The following DIS3L2 variants were observed in gnomAD, a reference collection of about 807,000 sequenced individuals.
The protein encoded by DIS3L2 is DIS3-like exonuclease 2.
DIS3L2 carries 34 observed loss-of-function variants against 97.5 expected under a neutral mutation model. That is an observed-to-expected ratio of 0.35 (90% CI 0.27 to 0.46). The LOEUF (loss-of-function observed/expected upper bound fraction) is 0.46, where lower values mean the gene tolerates loss of function less well. DIS3L2 is among the 20% of genes least tolerant of loss of function. DIS3L2 has a pLI of 1.00. For synonymous variants in DIS3L2, 435 were observed against 445.2 expected, an observed-to-expected ratio of 0.98 and a Z score of 0.29; for missense variants, 1,038 against 1,146.0, an observed-to-expected ratio of 0.91 and a Z score of 1.36.
intron 9 of DIS3L2, among the ~76,000 whole-genome samples, chr2:232,166,511 A>C (rs936960923): frequency 1.3e-5 from 2 of 152,126 alleles, no homozygotes; most frequent in African/African-American, 2.4e-5. Flanking sequence ...AGATCATGAG[A>C]TCGAGACCAT....
At chr2:232,222,633 G>C (rs914789994) in intron 10 of DIS3L2, among the ~76,000 whole-genome samples, 1 of 152,052 alleles carries the variant, frequency 6.6e-6, no homozygotes, top group African/African-American at 2.4e-5. Flanking sequence ...ACCACATCCA[G>C]CTAATTTTTG....
intron 5 of DIS3L2, among the ~76,000 whole-genome samples, chr2:232,072,043 C>G (rs1035576267): frequency 6.6e-6 from 1 of 151,936 alleles, no homozygotes; most frequent in Non-Finnish European, 1.5e-5. Context: ...AATGTAGTTG[C>G]AAGGTTTTCA....
intron 1 of DIS3L2, among the ~76,000 whole-genome samples, chr2:231,965,859 C>T (rs1342781558): frequency 6.6e-6 from 1 of 152,324 alleles, no homozygotes; most frequent in Middle Eastern, 3.4e-3. Context: ...GTCCATGTTG[C>T]CCTGGCTGGA....
At chr2:232,105,108 A>G (rs1368375358) in intron 6 of DIS3L2, among the ~76,000 whole-genome samples, 1 of 152,188 alleles carries the variant, frequency 6.6e-6, no homozygotes, top group African/African-American at 2.4e-5. Flanking sequence ...GTGAGCCACC[A>G]TGCCCAGCCA....
rs1348524651 is a variant in DIS3L2, at chr2:232,247,614, CGCGGGGGGGGGGGGGGGGGG to C, written c.1318-1615_1318-1596del. On this transcript the variant is annotated intron_variant, in intron 11 of 20. Coordinates refer to ENST00000325385, the MANE Select transcript of DIS3L2 (RefSeq NM_152383.5). ...GGTTAGGGCTTCAACATATAACTGC[CGCGGGGGGGGGGGGGGGGGG>C]GCGGGGGGGAGGGTGCCAATTCAGT... Among the ~76,000 whole-genome samples the C allele has an allele frequency of 5.7e-3, 68 of 11,972 alleles. 11 individuals carry two copies. In the East Asian group the frequency reaches 0.12, roughly 21 times the overall value. 7.9% of individuals were successfully genotyped at this position (11,972 alleles called of 152,430 possible).
intron 6 of DIS3L2, among the ~76,000 whole-genome samples, chr2:232,096,946 G>A (rs966091113): frequency 2.6e-5 from 4 of 152,182 alleles, no homozygotes; most frequent in African/African-American, 9.6e-5. Flanking sequence ...GTTTGGTGAG[G>A]TTATGTTTTC....
chr2:232,191,934 G>C (rs1691628071), intron 9 of DIS3L2, among the ~76,000 whole-genome samples: 1 of 152,116 alleles, frequency 6.6e-6, no homozygotes, highest in South Asian at 2.1e-4. Context: ...TTGAATGTCT[G>C]TCAGACCTGA....
chr2:232,263,233 C>T lies in DIS3L2; in HGVS notation c.1452C>T (p.Thr484=), dbSNP rs1693762887. The T allele has an allele frequency of 1.9e-6, 3 of 1,614,208 alleles. No homozygotes were observed. Among genetic ancestry groups the T allele is most frequent in the Admixed American group, 1.7e-5 (1 of 60,026 alleles). The change falls in exon 13 of 21, where the codon ACC becomes ACT. Residue 484 remains threonine (T), a synonymous_variant. Transcript: ENST00000325385. ...GKILDEWFGR[T]IIRSCTKLSY... is the part of the protein sequence containing the mutation. Reference sequence around the variant, plus strand: ...TCCTTGATGAATGGTTTGGCCGGACCATCATCCGCTCCTGCACCAAACTTA... The same window carrying T: ...TCCTTGATGAATGGTTTGGCCGGACTATCATCCGCTCCTGCACCAAACTTA...
intron 6 of DIS3L2, among the ~76,000 whole-genome samples, chr2:232,088,322 G>A (rs191205694): frequency 0.016 from 2,439 of 149,982 alleles, 67 homozygotes; most frequent in African/African-American, 0.056. Context: ...CGAGGTGGGC[G>A]GATCACGAGG....
chr2:231,971,431 A>G (rs1414504233), intron 1 of DIS3L2, among the ~76,000 whole-genome samples: 2 of 151,384 alleles, frequency 1.3e-5, no homozygotes, highest in South Asian at 2.1e-4. Flanking sequence ...GGTGTGTGCC[A>G]CCACGCCCAG....
intron 5 of DIS3L2, among the ~76,000 whole-genome samples, chr2:232,081,137 T>C (rs1345024080): frequency 6.6e-6 from 1 of 152,194 alleles, no homozygotes; most frequent in Non-Finnish European, 1.5e-5. Flanking sequence ...CCATTTCCTA[T>C]ATTGGATCAG....
At chr2:232,185,194 T>C (rs1344701993) in intron 9 of DIS3L2, among the ~76,000 whole-genome samples, 1 of 152,184 alleles carries the variant, frequency 6.6e-6, no homozygotes, top group African/African-American at 2.4e-5. Flanking sequence ...AGACCATATC[T>C]TGAGTCATCA....
chr2:231,966,684 A>G (rs756748444), intron 1 of DIS3L2, among the ~76,000 whole-genome samples: 1 of 81,374 alleles, frequency 1.2e-5, no homozygotes, highest in Non-Finnish European at 2.2e-5. Context: ...TTGTGGAGAC[A>G]GGGTCTTGCT....
rs143678580 is a variant in DIS3L2, at chr2:232,181,941, C to T, written c.1124+18309C>T. 2.1e-3 allele frequency among the ~76,000 whole-genome samples: 315 copies of T among 152,244 alleles called. 2 individuals carry two copies. Among genetic ancestry groups the T allele is most frequent in the African/African-American group, 7.1e-3 (295 of 41,544 alleles). The stretch of plus-strand genomic sequence containing the variant: ...TGCTGGGATTACAGGCGTGAGCCAC[C>T]GTGCCCGGGCGCCTGGCTAATTTTT... On this transcript the variant is annotated intron_variant, in intron 9 of 20. Coordinates refer to ENST00000325385, the MANE Select transcript of DIS3L2 (RefSeq NM_152383.5).
chr2:232,289,255 T>G (rs558196853), intron 13 of DIS3L2, among the ~76,000 whole-genome samples: 6 of 152,020 alleles, frequency 3.9e-5, no homozygotes, highest in Non-Finnish European at 5.9e-5. Flanking sequence ...TTTTGTTTTT[T>G]TTTTTTGGAG....
chr2:232,144,990 A>G (rs992080371), intron 8 of DIS3L2, among the ~76,000 whole-genome samples: 1 of 152,200 alleles, frequency 6.6e-6, no homozygotes, highest in Admixed American at 6.5e-5. Context: ...CTGGTTAAGG[A>G]GGCATCTGCC....
chr2:232,105,955 G>C (rs1054961453), intron 6 of DIS3L2, among the ~76,000 whole-genome samples: 3 of 152,104 alleles, frequency 2.0e-5, no homozygotes, highest in Non-Finnish European at 4.4e-5. Flanking sequence ...TTTATACTAG[G>C]CTCCCTGGGC....
At chr2:232,116,975 A>C (rs1024078507) in intron 6 of DIS3L2, among the ~76,000 whole-genome samples, 1 of 152,204 alleles carries the variant, frequency 6.6e-6, no homozygotes, top group Non-Finnish European at 1.5e-5. Flanking sequence ...GTTCAGCTGC[A>C]CTGTGAAGTC....
At chr2:232,001,420 T>C (rs1383852120) in intron 1 of DIS3L2, among the ~76,000 whole-genome samples, 4 of 152,158 alleles carry the variant, frequency 2.6e-5, no homozygotes, top group Admixed American at 2.6e-4. Context: ...TGCAATTGAT[T>C]GTTTGAGTTC....
Sources: gnomAD v4.1 joint callset for allele counts (sites outside exome capture counted in the v4.1 genomes callset) on GRCh38, gnomAD v4.1.1 for gene constraint, MANE v1.5 for transcripts, NCBI Gene and HGNC (gene_info 2026-07-23, HGNC 2026-07-21) for gene names.